CTNNB1: variants seen among roughly 807,000 people sequenced by gnomAD.
CTNNB1 encodes the protein catenin beta 1.
A neutral mutation model predicts 82.5 loss-of-function variants in CTNNB1; 6 were observed. That is an observed-to-expected ratio of 0.07 (90% confidence interval 0.04 to 0.14). CTNNB1 has a LOEUF of 0.14. Among genes scored for constraint, CTNNB1 ranks in the 10% least tolerant of loss-of-function variants. The pLI is 1.00. For missense variants in CTNNB1, 529 were observed against 980.4 expected, an observed-to-expected ratio of 0.54 and a Z score of 6.15; for synonymous variants, 312 against 329.7, an observed-to-expected ratio of 0.95 and a Z score of 0.58.
At position 41,234,038 on chromosome 3, in the gene CTNNB1, A is replaced by G. The variant is rs1459686446; in HGVS notation, c.1525-101A>G. 2.6e-6 allele frequency: 4 copies of G among 1,524,686 alleles called. No individual in the cohort carries two copies. In the African/African-American group the frequency reaches 4.1e-5, roughly 16 times the overall value. The allele number at this position is 1,524,686 out of a possible 1,614,324, so 94.4% of individuals were successfully genotyped here. ...ATTCTGAAATGTTTGTGTAGTCAGA[A>G]CTACTTTTAGTTGATACCAATAGAT... On this transcript the variant is annotated intron_variant, in intron 9 of 14. Transcript: ENST00000349496.
At chr3:41,235,106 G>GAATC (rs1388910485) in intron 10 of CTNNB1, 1 of 153,814 alleles carries the variant, frequency 6.5e-6, no homozygotes, top group East Asian at 1.9e-4. Flanking sequence ...GTCCTTGTAA[G>GAATC]AATCAAGTTA....
intron 14 of CTNNB1, among the ~76,000 whole-genome samples, chr3:41,238,911 T>C (rs933710528): frequency 1.3e-5 from 2 of 152,210 alleles, no homozygotes; most frequent in Non-Finnish European, 2.9e-5. Flanking sequence ...GCCTGTCTGA[T>C]GGAAATAGAT....
chr3:41,218,203 A>G (rs2077957816), intron 1 of CTNNB1, among the ~76,000 whole-genome samples: 1 of 152,196 alleles, frequency 6.6e-6, no homozygotes, highest in Admixed American at 6.5e-5. Context: ...CTTTTAATCA[A>G]GTAATCCACT....
At chr3:41,207,630 C>T (rs2077679237) in intron 1 of CTNNB1, among the ~76,000 whole-genome samples, 1 of 152,184 alleles carries the variant, frequency 6.6e-6, no homozygotes, top group African/African-American at 2.4e-5. Flanking sequence ...TACACTGGCT[C>T]TTCTGTTTTA....
At chr3:41,209,282 G>T (rs1226073299) in intron 1 of CTNNB1, among the ~76,000 whole-genome samples, 1 of 152,210 alleles carries the variant, frequency 6.6e-6, no homozygotes, top group East Asian at 1.9e-4. Flanking sequence ...GTTTGCTAAC[G>T]ATTTCCAAAT....
intron 1 of CTNNB1, among the ~76,000 whole-genome samples, chr3:41,215,670 G>C (rs770643979): frequency 6.6e-6 from 1 of 152,084 alleles, no homozygotes; most frequent in Non-Finnish European, 1.5e-5. Flanking sequence ...GTGGGGAAGG[G>C]AAACTCTTAC....
At chr3:41,227,756 C>T (rs552382282) in intron 7 of CTNNB1, among the ~76,000 whole-genome samples, 14 of 152,168 alleles carry the variant, frequency 9.2e-5, no homozygotes, top group African/African-American at 2.9e-4. Context: ...TTTTAGGTTC[C>T]GGGTAATGTG....
intron 7 of CTNNB1, among the ~76,000 whole-genome samples, chr3:41,227,785 A>C (rs1028914535): frequency 6.6e-6 from 1 of 152,134 alleles, no homozygotes; most frequent in Non-Finnish European, 1.5e-5. Flanking sequence ...TTATATAGGT[A>C]AATTGCATGT....
chr3:41,236,919 T>G, intron 13 of CTNNB1: 2 of 622,144 alleles, frequency 3.2e-6, no homozygotes, highest in Non-Finnish European at 2.8e-6. Context: ...ACAAATAAGT[T>G]GTGTTATTTA....
intron 1 of CTNNB1, among the ~76,000 whole-genome samples, chr3:41,209,830 A>G (rs1165325153): frequency 6.6e-6 from 1 of 152,234 alleles, no homozygotes; most frequent in African/African-American, 2.4e-5. Flanking sequence ...CTTGCAGGAT[A>G]TGTTGCTCTG....
At chr3:41,224,906 G>A (rs764119976) in intron 3 of CTNNB1, 48 bp from the exon 4 acceptor site, 3 of 1,613,118 alleles carry the variant, frequency 1.9e-6, no homozygotes, top group Non-Finnish European at 2.5e-6. Context: ...CAAATACTTA[G>A]GTAAATGCTG....
At chr3:41,230,126 A>G (rs946796216) in intron 7 of CTNNB1, among the ~76,000 whole-genome samples, 3 of 152,198 alleles carry the variant, frequency 2.0e-5, no homozygotes, top group African/African-American at 7.2e-5. Flanking sequence ...GGAATTTATG[A>G]GAGAGAAAGA....
chr3:41,204,065 A>G (rs2077593446), intron 1 of CTNNB1, among the ~76,000 whole-genome samples: 2 of 151,584 alleles, frequency 1.3e-5, no homozygotes. Context: ...ATTTTTTACT[A>G]CTTAAGAAAT....
chr3:41,234,576 A>AG (rs1304175065), intron 10 of CTNNB1: 3 of 449,008 alleles, frequency 6.7e-6, no homozygotes, highest in Non-Finnish European at 1.2e-5. Context: ...ATTTACACAA[A>AG]GGCCCACTTC....
rs2125637255 is a variant in CTNNB1, at chr3:41,233,284, G to T, written c.1082-57G>T. On this transcript the variant is annotated intron_variant, in intron 7 of 14. Transcript: ENST00000349496. ...TCCTAAGGCTAGAACAGATATTTAG[G>T]ATTGATAGGCACTTCTAGCTAATGA... 3 of 1,437,438 alleles carry T rather than the reference G, an allele frequency of 2.1e-6. 1 individual carries two copies. Among genetic ancestry groups the T allele is most frequent in the Non-Finnish European group, 2.9e-6 (3 of 1,020,584 alleles). 89.0% of individuals were successfully genotyped at this position (1,437,438 alleles called of 1,614,324 possible).
rs1417659853 is a variant in CTNNB1, at chr3:41,224,145, T to G, written c.13+64T>G. 9.5e-6 allele frequency: 15 copies of G among 1,576,654 alleles called. 1 individual carries two copies. The South Asian group carries it at 1.5e-4, about 16-fold the overall frequency. On this transcript the variant is annotated intron_variant, in intron 2 of 14. Coordinates refer to ENST00000349496, the MANE Select transcript of CTNNB1 (RefSeq NM_001904.4). The stretch of plus-strand genomic sequence containing the variant: ...CTGCTTCGTTGCCATTAAGCCAGTC[T>G]GGCTGAGATCCCCCTGCTTTCCTCT...
intron 2 of CTNNB1, 39 bp downstream of exon 2, chr3:41,224,120 C>G (rs1238659329): frequency 6.2e-7 from 1 of 1,612,730 alleles, no homozygotes. Flanking sequence ...AATTGGGGCT[C>G]TGCTTCGTTG....
At chr3:41,206,326 G>A (rs182873999) in intron 1 of CTNNB1, among the ~76,000 whole-genome samples, 1 of 152,262 alleles carries the variant, frequency 6.6e-6, no homozygotes, top group African/African-American at 2.4e-5. Context: ...GGAAGCCAAA[G>A]ACGTACAAAA....
chr3:41,200,073 TGG>T (rs2077489309), intron 1 of CTNNB1: 1 of 4,398 alleles, frequency 2.3e-4, no homozygotes, highest in South Asian at 8.1e-3. Flanking sequence ...GGGGGCGGGG[TGG>T]GGACGGGGGG....
Sources: gnomAD v4.1 joint callset for allele counts (sites outside exome capture counted in the v4.1 genomes callset) on GRCh38, gnomAD v4.1.1 for gene constraint, MANE v1.5 for transcripts, NCBI Gene and HGNC (gene_info 2026-07-23, HGNC 2026-07-21) for gene names.